The following EXOC6 variants were observed in gnomAD, a reference collection of about 807,000 sequenced individuals.
EXOC6 encodes the protein exocyst complex component 6.
EXOC6 carries 60 observed loss-of-function variants against 112.5 expected under a neutral mutation model. The ratio of observed to expected loss-of-function variants is 0.53; its 90% CI spans 0.43 to 0.66. The LOEUF is 0.66. EXOC6 is among the 30% of genes least tolerant of loss of function. The pLI, the probability that EXOC6 is intolerant of heterozygous loss-of-function variation, is 0.00. For synonymous variants in EXOC6, 295 were observed against 308.0 expected, an observed-to-expected ratio of 0.96 and a Z score of 0.44; for missense variants, 855 against 957.1, an observed-to-expected ratio of 0.89 and a Z score of 1.41.
chr10:92,919,709 A>G (rs1354519578), intron 7 of EXOC6, among the ~76,000 whole-genome samples: 1 of 152,222 alleles, frequency 6.6e-6, no homozygotes, highest in Non-Finnish European at 1.5e-5. Context: ...TCTATCATAC[A>G]TATTAAAAAT....
chr10:92,849,073 G>C (rs1847195409), intron 1 of EXOC6, among the ~76,000 whole-genome samples: 1 of 152,062 alleles, frequency 6.6e-6, no homozygotes, highest in Non-Finnish European at 1.5e-5. Flanking sequence ...GGAGGTGCCA[G>C]GTCGCGCGCG....
intron 7 of EXOC6, among the ~76,000 whole-genome samples, chr10:92,917,925 G>A (rs1333413974): frequency 6.6e-6 from 1 of 152,166 alleles, no homozygotes; most frequent in East Asian, 1.9e-4. Flanking sequence ...GCCGAGGGGG[G>A]CAGATTGTTT....
At chr10:93,020,369 GTT>G (rs1001994065) in intron 20 of EXOC6, among the ~76,000 whole-genome samples, 8 of 151,858 alleles carry the variant, frequency 5.3e-5, no homozygotes, top group African/African-American at 1.9e-4. Context: ...TGTGCAAAAA[GTT>G]TGCTTGAATA....
intron 13 of EXOC6, among the ~76,000 whole-genome samples, chr10:92,947,667 T>C (rs1853115137): frequency 6.6e-6 from 1 of 152,170 alleles, no homozygotes; most frequent in African/African-American, 2.4e-5. Context: ...CTCAGCACTT[T>C]AGGAGGCCGA....
intron 11 of EXOC6, 117 bp from the exon 12 acceptor site, chr10:92,935,697 T>C: frequency 1.3e-6 from 1 of 771,860 alleles, no homozygotes; most frequent in Non-Finnish European, 2.1e-6. Flanking sequence ...TTAAACTTAT[T>C]ATAAGTCTGG....
intron 1 of EXOC6, among the ~76,000 whole-genome samples, chr10:92,860,451 A>G (rs1270398225): frequency 1.3e-5 from 2 of 151,764 alleles, no homozygotes; most frequent in African/African-American, 4.8e-5. Context: ...TTTAGTAGAG[A>G]CGGGGTTTCA....
At chr10:93,014,328 T>C (rs1590042506) in intron 20 of EXOC6, 61 bp downstream of exon 20, 3 of 1,277,764 alleles carry the variant, frequency 2.3e-6, no homozygotes, top group Non-Finnish European at 3.4e-6. Flanking sequence ...CCCCTCACTT[T>C]TTTTTTTTAT....
At chr10:92,974,819 C>T (rs1287978466) in intron 18 of EXOC6, among the ~76,000 whole-genome samples, 5 of 152,192 alleles carry the variant, frequency 3.3e-5, no homozygotes, top group Admixed American at 6.5e-5. Flanking sequence ...CCGCCAGCCT[C>T]GGCCTCCCGA....
intron 18 of EXOC6, among the ~76,000 whole-genome samples, chr10:92,975,139 G>T (rs1213128271): frequency 1.3e-5 from 2 of 151,798 alleles, no homozygotes; most frequent in African/African-American, 2.4e-5. Flanking sequence ...CTTCCCGGCC[G>T]CCATCCCATG....
chr10:92,859,450 G>A (rs78967117), intron 1 of EXOC6, among the ~76,000 whole-genome samples: 3,352 of 152,270 alleles, frequency 0.022, 58 homozygotes, highest in African/African-American at 0.041. Flanking sequence ...TTAGATTCCA[G>A]TAATTGCTGG....
intron 1 of EXOC6, among the ~76,000 whole-genome samples, chr10:92,868,135 G>A (rs1367859972): frequency 6.6e-6 from 1 of 152,040 alleles, no homozygotes. Flanking sequence ...TTGAGTCATA[G>A]GAAAGTTTTC....
intron 20 of EXOC6, among the ~76,000 whole-genome samples, chr10:93,039,986 A>C (rs1055730030): frequency 6.6e-6 from 1 of 152,062 alleles, no homozygotes; most frequent in Non-Finnish European, 1.5e-5. Context: ...CCTCATTTCT[A>C]TTTGTAGACC....
chr10:92,996,976 A>G (rs561257431), intron 18 of EXOC6, among the ~76,000 whole-genome samples: 8 of 152,274 alleles, frequency 5.3e-5, no homozygotes, highest in African/African-American at 1.7e-4. Flanking sequence ...GTAAGGACTT[A>G]TGATTCAAAG....
At chr10:92,902,838 A>T (rs1468286041) in intron 5 of EXOC6, among the ~76,000 whole-genome samples, 1 of 152,086 alleles carries the variant, frequency 6.6e-6, no homozygotes, top group Non-Finnish European at 1.5e-5. Context: ...GTGTTTTTAG[A>T]ATTGATATAA....
intron 1 of EXOC6, among the ~76,000 whole-genome samples, chr10:92,870,634 A>G (rs1431805280): frequency 1.3e-5 from 2 of 151,664 alleles, no homozygotes; most frequent in African/African-American, 2.4e-5. Flanking sequence ...CGATCTTTGG[A>G]TCAATGTTAC....
intron 20 of EXOC6, among the ~76,000 whole-genome samples, chr10:93,015,115 C>G (rs9419759): frequency 0.01 from 1,578 of 152,158 alleles, 30 homozygotes; most frequent in African/African-American, 0.036. Flanking sequence ...TGAATTAAAA[C>G]AAAGCCACTG....
intron 7 of EXOC6, among the ~76,000 whole-genome samples, chr10:92,916,384 C>T (rs939893280): frequency 6.6e-5 from 10 of 152,094 alleles, no homozygotes; most frequent in Admixed American, 1.3e-4. Context: ...GTGGTGGGCA[C>T]CTCTAGTCCC....
intron 18 of EXOC6, among the ~76,000 whole-genome samples, chr10:92,979,570 A>G (rs1241092691): frequency 5.9e-5 from 9 of 152,182 alleles, no homozygotes; most frequent in Non-Finnish European, 1.2e-4. Context: ...TTGGAAAACC[A>G]CAATAACCCG....
intron 13 of EXOC6, among the ~76,000 whole-genome samples, chr10:92,946,222 G>A (rs1194583476): frequency 6.6e-6 from 1 of 152,064 alleles, no homozygotes; most frequent in Non-Finnish European, 1.5e-5. Context: ...CGTGAACCCG[G>A]GAGGCGGAGC....
Sources: gnomAD v4.1 joint callset for allele counts (sites outside exome capture counted in the v4.1 genomes callset) on GRCh38, gnomAD v4.1.1 for gene constraint, MANE v1.5 for transcripts, NCBI Gene and HGNC (gene_info 2026-07-23, HGNC 2026-07-21) for gene names.